Variants in KARS1 observed in about 807,000 individuals in gnomAD.
KARS1 encodes lysyl-tRNA synthetase 1, also known as lysine--tRNA ligase.
In KARS1, 50 loss-of-function variants were observed where a neutral mutation model predicts 63.9. The observed-to-expected ratio is 0.78, with a 90% CI of 0.62 to 0.99. The LOEUF is 0.99. Ranked by LOEUF, KARS1 falls within the 50% of genes least tolerant of loss-of-function variation. The pLI is 0.00. For missense variants in KARS1, 816 were observed against 754.5 expected, an observed-to-expected ratio of 1.08 and a Z score of -0.95; for synonymous variants, 320 against 264.6, an observed-to-expected ratio of 1.21 and a Z score of -2.03.
At chr16:75,645,670 A>T (rs1356365546) in intron 1 of KARS1, among the ~76,000 whole-genome samples, 1 of 152,088 alleles carries the variant, frequency 6.6e-6, no homozygotes, top group Non-Finnish European at 1.5e-5. Context: ...AACAAGGTCA[A>T]ATCCCGTCTC....
chr16:75,629,828 A>T (rs1160240856), intron 11 of KARS1, among the ~76,000 whole-genome samples: 2 of 152,212 alleles, frequency 1.3e-5, no homozygotes, highest in Non-Finnish European at 2.9e-5. Context: ...ACGATCAAAC[A>T]TCTAATACAA....
chr16:75,636,493 C>A lies in KARS1; in HGVS notation c.443G>T (p.Arg148Leu). The change falls in exon 4 of 14, where the codon CGA (arginine) becomes CTA (leucine). Residue 148 changes from arginine (R) to leucine (L), a missense_variant. By Grantham distance (102) the Arg-to-Leu change is moderately radical. Transcript: ENST00000302445. The part of the protein sequence containing the change: ...SGGKLIFYDL[R>L]GEGVKLQVMA... ...GACTTGCAACTTCACCCCCTCTCCT[C>A]GAAGATCATAGAAGATGAGCTTTCC... 1 of 1,613,630 alleles carries A rather than the reference C, an allele frequency of 6.2e-7. No homozygotes were observed.
chr16:75,632,385 G>C (rs769075541), intron 7 of KARS1, among the ~76,000 whole-genome samples: 1 of 151,996 alleles, frequency 6.6e-6, no homozygotes, highest in Admixed American at 6.6e-5. Context: ...TTCCTGTCTT[G>C]GGCATCCCCC....
intron 1 of KARS1, among the ~76,000 whole-genome samples, chr16:75,644,792 G>T (rs1483278920): frequency 2.6e-5 from 4 of 152,190 alleles, no homozygotes; most frequent in Admixed American, 2.6e-4. Context: ...CTGAAGTGTG[G>T]TTTCTCACCT....
intron 3 of KARS1, among the ~76,000 whole-genome samples, chr16:75,639,614 C>T (rs115450297): frequency 0.031 from 4,558 of 146,968 alleles, 104 homozygotes; most frequent in Middle Eastern, 0.063. Context: ...AATCACTGCA[C>T]TTTAAAGAAG....
chr16:75,632,212 A>G (rs1282366650), intron 7 of KARS1, among the ~76,000 whole-genome samples: 2 of 152,172 alleles, frequency 1.3e-5, no homozygotes, highest in Admixed American at 1.3e-4. Flanking sequence ...ATCTTGTATT[A>G]ACAGCTCTGG....
intron 12 of KARS1, 188 bp from the exon 13 acceptor site, chr16:75,628,900 C>CA (rs1254655455): frequency 1.5e-6 from 1 of 671,382 alleles, no homozygotes; most frequent in African/African-American, 1.8e-5. Flanking sequence ...ACCTGGAGGT[C>CA]AGGACTGATG....
At position 75,641,722 on chromosome 16, in the gene KARS1, C is replaced by T; in HGVS notation, c.64G>A (p.Glu22Lys). The change falls in exon 2 of 14, where the codon GAG becomes AAG. Residue 22 changes from glutamate to lysine, a missense_variant and splice_region_variant. Physicochemically the swap from Glu to Lys is moderately conservative, Grantham distance 56. Coordinates refer to ENST00000302445, the MANE Select transcript of KARS1 (RefSeq NM_005548.3). ...TCAGCTTTCAGGCGTCTCTTCAGCT[C>T]ACTGTTGGAAAGATGAAAGCGTTCA... ...DGSEPKLSKNELKRRLKAEKK... is the reference protein window; with the variant it reads ...DGSEPKLSKNKLKRRLKAEKK... 1 of 1,613,722 alleles carries T rather than the reference C, an allele frequency of 6.2e-7. No homozygotes were observed. The highest frequency in any genetic ancestry group is 8.5e-7 in the Non-Finnish European group (1 of 1,180,016).
At chr16:75,630,549 A>G (rs760057780) in intron 10 of KARS1, 41 bp from the exon 11 acceptor site, 2 of 1,273,796 alleles carry the variant, frequency 1.6e-6, no homozygotes, top group Non-Finnish European at 2.3e-6. Flanking sequence ...CCATTTCTGA[A>G]TAGTATTTGA....
rs573355743 is a variant in KARS1, at chr16:75,639,591, A to T, written c.388+593T>A. On this transcript the variant is annotated intron_variant, in intron 3 of 13. Coordinates refer to ENST00000302445, the MANE Select transcript of KARS1 (RefSeq NM_005548.3). ...TATCTCAAAAAAAAAAAAAAAAAAA[A>T]AGATTTTAGTAAAATCACTGCACTT... is the stretch of plus-strand genomic sequence containing the variant. 8.1e-3 allele frequency among the ~76,000 whole-genome samples: 1,225 copies of T among 151,562 alleles called. 23 individuals are homozygous for T. The highest frequency in any genetic ancestry group is 0.024 in the African/African-American group (1,010 of 41,294).
At chr16:75,644,443 G>A in intron 1 of KARS1, 2 of 1,602,904 alleles carry the variant, frequency 1.2e-6, no homozygotes, top group Non-Finnish European at 8.5e-7. Context: ...GAGCACCCTG[G>A]AACTAATGAT....
At chr16:75,631,376 G>A (rs768189185) in intron 9 of KARS1, 40 bp downstream of exon 9, 17 of 1,606,530 alleles carry the variant, frequency 1.1e-5, no homozygotes, top group Non-Finnish European at 1.4e-5. Context: ...TGAACAGGAA[G>A]GAGGGCCTTA....
At chr16:75,631,094 G>A (rs1046648952) in intron 10 of KARS1, 74 bp downstream of exon 10, 1 of 1,191,556 alleles carries the variant, frequency 8.4e-7, no homozygotes, top group Non-Finnish European at 1.2e-6. Flanking sequence ...CCCCAGTGGG[G>A]TTCATTTTCC....
chr16:75,631,776 T>A lies in KARS1; in HGVS notation c.995A>T (p.Asn332Ile). ...FRNEGIDLTH[N>I]PEFTTCEFYM... ...GAACTCACAGGTGGTGAACTCAGGATTGTGCGTCAAATCAATCCCCTCATT... is the reference window on the plus strand; with the variant it reads ...GAACTCACAGGTGGTGAACTCAGGAATGTGCGTCAAATCAATCCCCTCATT... Residue 332 changes from asparagine to isoleucine, a missense_variant, in exon 8 of 14, where the codon AAT becomes ATT. Coordinates refer to ENST00000302445, the MANE Select transcript of KARS1 (RefSeq NM_005548.3). The A allele has an allele frequency of 1.2e-6, 2 of 1,614,198 alleles. No homozygotes were observed. Among genetic ancestry groups the A allele is most frequent in the Non-Finnish European group, 8.5e-7 (1 of 1,180,028 alleles).
intron 3 of KARS1, among the ~76,000 whole-genome samples, chr16:75,637,470 G>A (rs947741309): frequency 6.6e-6 from 1 of 151,998 alleles, no homozygotes; most frequent in Non-Finnish European, 1.5e-5. Context: ...ACAGGTGAGG[G>A]TTGCATTAAG....
Position 75,629,027 on chromosome 16 carries a change from T to G in KARS1, c.1552-315A>C, listed in dbSNP as rs61588474. 0.078 allele frequency: 37,233 copies of G among 475,278 alleles called. 4,016 individuals carry two copies. The highest frequency in any genetic ancestry group is 0.37 in the African/African-American group (18,805 of 50,910). The allele number at this position is 475,278 out of a possible 1,614,324, so 29.4% of individuals were successfully genotyped here. A position where few individuals can be genotyped will look rare whatever the true frequency, so the allele number is the denominator to read the frequency against. ...ACTGTGACAATTACAAGAGTCTTTC[T>G]CCCATTTCCTGAAAACAGCCCTGTC... On this transcript the variant is annotated intron_variant, in intron 12 of 13. Coordinates refer to ENST00000302445, the MANE Select transcript of KARS1 (RefSeq NM_005548.3).
intron 2 of KARS1, among the ~76,000 whole-genome samples, 158 bp downstream of exon 2, chr16:75,641,406 C>T (rs190883612): frequency 5.1e-4 from 77 of 152,304 alleles, no homozygotes; most frequent in African/African-American, 1.8e-3. Flanking sequence ...CACTCAGGGT[C>T]TGTGCCTTTA....
rs1286672360 is a variant in KARS1, at chr16:75,629,407, T to C, written c.1551+8A>G. 2 of 1,613,708 alleles carry C rather than the reference T, an allele frequency of 1.2e-6. No homozygotes were observed. The highest frequency in any genetic ancestry group is 1.7e-6 in the Non-Finnish European group (2 of 1,179,758). ...GGCACAGCTTCTGCTCACAGTCCCC[T>C]TTCTCACCTTGGCCTGTTCTTCAAA... On this transcript the variant is annotated splice_region_variant and intron_variant, in intron 12 of 13. Coordinates refer to ENST00000302445, the MANE Select transcript of KARS1 (RefSeq NM_005548.3).
At chr16:75,630,652 T>C in intron 10 of KARS1, 144 bp from the exon 11 acceptor site, 1 of 331,482 alleles carries the variant, frequency 3.0e-6, no homozygotes, top group Non-Finnish European at 5.3e-6. Context: ...ATTATTATTA[T>C]TGAGATGGAG....
Sources: gnomAD v4.1 joint callset for allele counts (sites outside exome capture counted in the v4.1 genomes callset) on GRCh38, gnomAD v4.1.1 for gene constraint, MANE v1.5 for transcripts, NCBI Gene and HGNC (gene_info 2026-07-23, HGNC 2026-07-21) for gene names.